SNX25: variants seen among roughly 807,000 people sequenced by gnomAD.
SNX25 encodes the protein sorting nexin-25.
SNX25 carries 62 observed loss-of-function variants against 113.7 expected under a neutral mutation model. The observed-to-expected ratio is 0.55, with a 90% CI of 0.44 to 0.67. SNX25 has a LOEUF of 0.67. Ranked by LOEUF, SNX25 falls within the 30% of genes least tolerant of loss-of-function variation. SNX25 has a pLI of 0.00. For missense variants in SNX25, 1,014 were observed against 1,161.0 expected, an observed-to-expected ratio of 0.87 and a Z score of 1.84; for synonymous variants, 421 against 436.2, an observed-to-expected ratio of 0.97 and a Z score of 0.43.
intron 6 of SNX25, among the ~76,000 whole-genome samples, chr4:185,292,889 T>C (rs1752377683): frequency 6.6e-6 from 1 of 152,208 alleles, no homozygotes; most frequent in African/African-American, 2.4e-5. Context: ...TACTCCAGCC[T>C]GGGTGACACA....
chr4:185,266,507 T>C (rs568294796), intron 4 of SNX25, among the ~76,000 whole-genome samples: 1 of 152,156 alleles, frequency 6.6e-6, no homozygotes, highest in Admixed American at 6.5e-5. Flanking sequence ...ATTACAGACA[T>C]GTGCCACCAT....
chr4:185,296,443 TAGAG>T (rs1257525314), intron 6 of SNX25, among the ~76,000 whole-genome samples: 2 of 152,206 alleles, frequency 1.3e-5, no homozygotes, highest in Non-Finnish European at 2.9e-5. Flanking sequence ...TAGTTTGTCT[TAGAG>T]AGAGAAACAT....
chr4:185,212,491 G>GTTTCTGT (rs1553980597), intron 1 of SNX25, among the ~76,000 whole-genome samples: 118 of 104,910 alleles, frequency 1.1e-3, no homozygotes, highest in African/African-American at 3.9e-3. Context: ...GTGTGTGTGT[G>GTTTCTGT]TTTTTTTTTT....
chr4:185,233,688 C>T (rs1742186723), intron 1 of SNX25, among the ~76,000 whole-genome samples: 1 of 152,052 alleles, frequency 6.6e-6, no homozygotes, highest in Admixed American at 6.6e-5. Context: ...GTTCTGATTT[C>T]AATTTTCAAG....
At chr4:185,362,586 A>G in intron 17 of SNX25, 25 bp from the exon 18 acceptor site, 1 of 1,605,246 alleles carries the variant, frequency 6.2e-7, no homozygotes, top group Non-Finnish European at 8.5e-7. Context: ...CAATAGCAGC[A>G]TAGAATCTAC....
chr4:185,337,009 G>C (rs548781898), intron 10 of SNX25, among the ~76,000 whole-genome samples: 1 of 151,986 alleles, frequency 6.6e-6, no homozygotes, highest in Non-Finnish European at 1.5e-5. Flanking sequence ...TGATGGGATT[G>C]TTTATTTTTT....
In SNX25 at chr4:185,342,026, C is replaced by A; in HGVS notation, c.2097C>A (p.Ser699Arg). The A allele has an allele frequency of 6.2e-7, 1 of 1,611,336 alleles. No individual in the cohort carries two copies. Among genetic ancestry groups the A allele is most frequent in the Non-Finnish European group, 8.5e-7 (1 of 1,178,916 alleles). Residue 699 changes from serine (S) to arginine (R), a missense_variant, in exon 12 of 19, where the codon AGC (serine) becomes AGA (arginine). Ser to Arg is a moderately radical substitution (Grantham distance 110, BLOSUM62 -1). Transcript: ENST00000652585. ...EQLPCYFVMV[S>R]LQEVGGVETK... ...TGCCATGTTACTTTGTCATGGTAAGCCTACAAGAAGTTGGAGGAGTTGAAA... is the reference window on the plus strand; with the variant it reads ...TGCCATGTTACTTTGTCATGGTAAGACTACAAGAAGTTGGAGGAGTTGAAA...
intron 6 of SNX25, among the ~76,000 whole-genome samples, chr4:185,299,599 T>C (rs1008828617): frequency 1.3e-5 from 2 of 152,186 alleles, no homozygotes; most frequent in African/African-American, 4.8e-5. Context: ...GCCACTGATA[T>C]ATTCATATTT....
intron 7 of SNX25, among the ~76,000 whole-genome samples, chr4:185,320,101 T>G (rs911343862): frequency 1.5e-4 from 23 of 152,192 alleles, no homozygotes; most frequent in African/African-American, 5.6e-4. Flanking sequence ...AGAAACACCA[T>G]TTGACTCAGC....
intron 1 of SNX25, among the ~76,000 whole-genome samples, chr4:185,216,645 G>A (rs1053863417): frequency 6.0e-5 from 9 of 148,804 alleles, no homozygotes; most frequent in Non-Finnish European, 1.2e-4. Context: ...TCAGCCTCCC[G>A]AGTCACTGGG....
intron 7 of SNX25, among the ~76,000 whole-genome samples, chr4:185,315,438 C>G (rs565219111): frequency 6.6e-6 from 1 of 151,542 alleles, no homozygotes; most frequent in East Asian, 2.0e-4. Context: ...GAATTACAGG[C>G]GTGCACCACC....
At chr4:185,303,644 G>A (rs1330371298) in intron 6 of SNX25, among the ~76,000 whole-genome samples, 1 of 143,784 alleles carries the variant, frequency 7.0e-6, no homozygotes, top group Non-Finnish European at 1.5e-5. Flanking sequence ...GGGCGACAGA[G>A]CGAGACTCTG....
At chr4:185,259,691 A>G (rs540173331) in intron 3 of SNX25, among the ~76,000 whole-genome samples, 1 of 152,304 alleles carries the variant, frequency 6.6e-6, no homozygotes, top group South Asian at 2.1e-4. Context: ...TCGTATTGTT[A>G]TGTACATAAC....
At chr4:185,266,365 G>GT (rs775160927) in intron 4 of SNX25, among the ~76,000 whole-genome samples, 1 of 152,022 alleles carries the variant, frequency 6.6e-6, no homozygotes, top group African/African-American at 2.4e-5. Flanking sequence ...TAATTTTGTG[G>GT]TTTTTTGTTT....
At chr4:185,357,138 G>A (rs1203968452) in intron 15 of SNX25, among the ~76,000 whole-genome samples, 1 of 152,014 alleles carries the variant, frequency 6.6e-6, no homozygotes. Context: ...TCTCATTCAG[G>A]GTCCTGCCTC....
intron 6 of SNX25, among the ~76,000 whole-genome samples, chr4:185,292,857 A>G (rs1036373793): frequency 6.6e-6 from 1 of 152,194 alleles, no homozygotes; most frequent in Non-Finnish European, 1.5e-5. Context: ...CAAGGCTGCA[A>G]TGAGCTGTGA....
chr4:185,377,410 C>A, the SNX25 span: 9 of 166,652 alleles, frequency 5.4e-5, no homozygotes, highest in Admixed American at 5.3e-4. Context: ...CCCAGCTACT[C>A]GGGAGACTCA....
Position 185,210,402 on chromosome 4 carries a change from G to A in SNX25, c.429+147G>A. ...AGGGGGCTGGGCTGCGGGCCCGGCC[G>A]TGGACGCGAGCGTTCCCCGGCGCCC... On this transcript the variant is annotated intron_variant, in intron 1 of 18. Coordinates refer to ENST00000652585, the MANE Select transcript of SNX25 (RefSeq NM_001378034.2). This position sits in a 1 kb window ranked among gnomAD's most constrained non-coding sequence, Gnocchi z 4.4. The A allele has an allele frequency of 2.4e-6, 2 of 835,202 alleles. No individual in the cohort carries two copies. The highest frequency in any genetic ancestry group is 2.9e-6 in the Non-Finnish European group (2 of 693,418). 51.7% of individuals were successfully genotyped at this position (835,202 alleles called of 1,614,324 possible).
chr4:185,287,139 A>G (rs895958856), intron 5 of SNX25, among the ~76,000 whole-genome samples: 5 of 152,208 alleles, frequency 3.3e-5, no homozygotes, highest in Non-Finnish European at 5.9e-5. Flanking sequence ...ACTCTTAAGA[A>G]TTTGGATTTG....
Sources: allele counts gnomAD v4.1 joint callset (sites outside exome capture counted in the v4.1 genomes callset), GRCh38; gene constraint gnomAD v4.1.1; non-coding constraint Gnocchi (gnomAD v3.1); transcripts MANE v1.5; gene names NCBI Gene and HGNC (gene_info 2026-07-23, HGNC 2026-07-21).